The following PTPRT variants were observed in gnomAD, a reference collection of about 807,000 sequenced individuals.
The protein encoded by PTPRT is protein tyrosine phosphatase receptor type T.
A neutral mutation model predicts 176.8 loss-of-function variants in PTPRT; 56 were observed. The observed-to-expected ratio is 0.32, with a 90% CI of 0.26 to 0.40. The LOEUF is 0.40. Ranked by LOEUF, PTPRT falls within the 10% of genes least tolerant of loss-of-function variation. PTPRT has a pLI of 1.00. For missense variants in PTPRT, 1,540 were observed against 1,908.2 expected (o/e 0.81, Z 3.60); for synonymous variants, 783 against 739.0 (o/e 1.06, Z -0.96).
intron 9 of PTPRT, among the ~76,000 whole-genome samples, chr20:42,443,127 T>A (rs951878989): frequency 1.3e-5 from 2 of 152,240 alleles, no homozygotes; most frequent in Non-Finnish European, 2.9e-5. Flanking sequence ...CTGCATTAAA[T>A]GATCACGTTA....
intron 6 of PTPRT, among the ~76,000 whole-genome samples, chr20:42,714,404 A>C (rs2076192812): frequency 1.3e-5 from 2 of 152,180 alleles, no homozygotes; most frequent in Non-Finnish European, 2.9e-5. Context: ...TTATGTACAA[A>C]TTCTGTGACA....
chr20:42,193,357 T>C (rs1239228639), intron 16 of PTPRT, among the ~76,000 whole-genome samples: 1 of 152,256 alleles, frequency 6.6e-6, no homozygotes, highest in Non-Finnish European at 1.5e-5. Context: ...CAGCAGCTTC[T>C]GCCCACATGG....
At chr20:42,887,502 C>G (rs1188600692) in intron 1 of PTPRT, among the ~76,000 whole-genome samples, 2 of 152,176 alleles carry the variant, frequency 1.3e-5, no homozygotes, top group African/African-American at 4.8e-5. Flanking sequence ...CCTAAATTGA[C>G]TAAGAAAATA....
intron 1 of PTPRT, among the ~76,000 whole-genome samples, chr20:42,979,064 A>G (rs1232758659): frequency 6.6e-6 from 1 of 152,204 alleles, no homozygotes. Flanking sequence ...CTTTCCTGAA[A>G]TAACACTATT....
the PTPRT span, among the ~76,000 whole-genome samples, chr20:42,055,839 C>T: frequency 6.6e-6 from 1 of 152,146 alleles, no homozygotes; most frequent in African/African-American, 2.4e-5. Context: ...TGTTCTTGAT[C>T]CTCAGTGGAA....
chr20:42,760,673 A>T (rs1325228547), intron 5 of PTPRT, among the ~76,000 whole-genome samples: 4 of 152,092 alleles, frequency 2.6e-5, no homozygotes, highest in Admixed American at 2.6e-4. Flanking sequence ...TGTTCACTTG[A>T]TCCTCTTAAA....
At chr20:42,741,470 G>A (rs1395759426) in intron 6 of PTPRT, among the ~76,000 whole-genome samples, 3 of 152,006 alleles carry the variant, frequency 2.0e-5, no homozygotes, top group East Asian at 1.9e-4. Flanking sequence ...TCAGTATCCC[G>A]AGTAGTTGGG....
At chr20:43,054,730 C>T (rs1225471272) in intron 1 of PTPRT, among the ~76,000 whole-genome samples, 1 of 152,098 alleles carries the variant, frequency 6.6e-6, no homozygotes, top group Non-Finnish European at 1.5e-5. Context: ...TAGTCCCTGA[C>T]AGCACCTCTT....
chr20:42,069,749 A>G (rs1431817182), downstream of PTPRT, among the ~76,000 whole-genome samples: 1 of 152,188 alleles, frequency 6.6e-6, no homozygotes, highest in Admixed American at 6.5e-5. Context: ...ATATGTCTCT[A>G]TCTATTCATG....
chr20:42,812,182 T>C (rs6093738), intron 2 of PTPRT, among the ~76,000 whole-genome samples: 3,688 of 152,244 alleles, frequency 0.024, 142 homozygotes, highest in African/African-American at 0.079. Context: ...TCTAGCATTC[T>C]GTACCAAATT....
At chr20:42,718,252 C>T (rs899509932) in intron 6 of PTPRT, among the ~76,000 whole-genome samples, 1 of 152,262 alleles carries the variant, frequency 6.6e-6, no homozygotes, top group Non-Finnish European at 1.5e-5. Flanking sequence ...AGAGTAACAA[C>T]GTGGGCCAGG....
At position 42,549,554 on chromosome 20, in the gene PTPRT, T is replaced by G. The variant is rs146497663; in HGVS notation, c.1154-76992A>C. Among the ~76,000 whole-genome samples the G allele has an allele frequency of 1.8e-3, 270 of 152,302 alleles. 1 individual carries two copies. In the South Asian group the frequency reaches 0.018, roughly 10 times the overall value. On this transcript the variant is annotated intron_variant, in intron 7 of 30. Transcript: ENST00000373187. ...GAATGCTATAAACTGTGGCCCATCA[T>G]TAACTCAACTACCTGCACTAGAGAT...
rs114253617 is a variant in PTPRT at position 42,651,157 on chromosome 20, A to G, written c.1153+26709T>C. Among the ~76,000 whole-genome samples the G allele has an allele frequency of 1.1e-4, 16 of 152,258 alleles. No homozygotes were observed. In the East Asian group the frequency reaches 3.1e-3, roughly 29 times the overall value. Reference sequence around the variant, plus strand: ...TTTGATAAAGGAAAGTGAATTTGGTATATATTATTGTGAGAGAAAAAGATA... The same window carrying G: ...TTTGATAAAGGAAAGTGAATTTGGTGTATATTATTGTGAGAGAAAAAGATA... On this transcript the variant is annotated intron_variant, in intron 7 of 30. Transcript: ENST00000373187.
intron 1 of PTPRT, among the ~76,000 whole-genome samples, chr20:42,971,824 T>A (rs1982656757): frequency 6.6e-6 from 1 of 152,046 alleles, no homozygotes; most frequent in South Asian, 2.1e-4. Context: ...CTACAATGAT[T>A]CATTCATTTC....
At chr20:42,741,249 G>A (rs2076605315) in intron 6 of PTPRT, among the ~76,000 whole-genome samples, 1 of 152,164 alleles carries the variant, frequency 6.6e-6, no homozygotes, top group African/African-American at 2.4e-5. Flanking sequence ...ATAAATTTGG[G>A]ACTGGGTGAA....
intron 9 of PTPRT, among the ~76,000 whole-genome samples, chr20:42,375,946 A>G (rs562922896): frequency 6.6e-6 from 1 of 152,322 alleles, no homozygotes; most frequent in Non-Finnish European, 1.5e-5. Context: ...AATTAAACAA[A>G]CAAACAACCA....
In PTPRT at chr20:42,502,405, AACACACACACACACACACAC is replaced by A. The variant is rs11467404; in HGVS notation, c.1154-29863_1154-29844del. ...CTAGAAAAAATTACATATGTATACA[AACACACACACACACACACAC>A]ACACACACACACACACACACACATC... On this transcript the variant is annotated intron_variant, in intron 7 of 30. Transcript: ENST00000373187. Among the ~76,000 whole-genome samples the A allele has an allele frequency of 1.2e-4, 17 of 137,412 alleles. No individual in the cohort carries two copies. In the East Asian group the frequency reaches 2.4e-3, roughly 19 times the overall value. The allele number at this position is 137,412 out of a possible 152,430, so 90.1% of individuals were successfully genotyped here. A position where few individuals can be genotyped will look rare whatever the true frequency, so the allele number is the denominator to read the frequency against.
At chr20:42,529,469 C>T (rs6072771) in intron 7 of PTPRT, among the ~76,000 whole-genome samples, 15,212 of 152,114 alleles carry the variant, frequency 0.1, 939 homozygotes, top group East Asian at 0.16. Context: ...ACTCTCTAGG[C>T]GCCTTGCACA....
Position 42,110,474 on chromosome 20 carries a change from T to G in PTPRT, c.3113A>C (p.Glu1038Ala), listed in dbSNP as rs761154168. Residue 1038 changes from glutamate to alanine, a missense_variant, in exon 23 of 31, where the codon GAG (glutamate) becomes GCG (alanine). Physicochemically the swap from Glu to Ala is moderately radical, Grantham distance 107 (BLOSUM62 -1). Coordinates refer to ENST00000373187, the MANE Select transcript of PTPRT (RefSeq NM_007050.6). Reference sequence around the variant, plus strand: ...GTGGAAGAGGCGGAGCTCCCGGATCTCATGGTAGCCTTTCTGAGGAAAGAA... The same window carrying G: ...GTGGAAGAGGCGGAGCTCCCGGATCGCATGGTAGCCTTTCTGAGGAAAGAA... ...TFTVQKKGYH[E>A]IRELRLFHFT... The G allele has an allele frequency of 6.2e-7, 1 of 1,607,228 alleles. No homozygotes were observed. Among genetic ancestry groups the G allele is most frequent in the South Asian group, 1.1e-5 (1 of 90,368 alleles).
Sources: gnomAD v4.1 joint callset for allele counts (sites outside exome capture counted in the v4.1 genomes callset) on GRCh38, gnomAD v4.1.1 for gene constraint, MANE v1.5 for transcripts, NCBI Gene and HGNC (gene_info 2026-07-23, HGNC 2026-07-21) for gene names.